Variants in SPATS2L observed in about 807,000 individuals in gnomAD.
SPATS2L encodes the protein SPATS2-like protein.
A neutral mutation model predicts 59.6 loss-of-function variants in SPATS2L; 30 were observed. That is an observed-to-expected ratio of 0.50 (90% CI 0.38 to 0.68). SPATS2L has a LOEUF of 0.68. Ranked by LOEUF, SPATS2L falls within the 30% of genes least tolerant of loss-of-function variation. SPATS2L has a pLI of 0.00. For missense variants in SPATS2L, 615 were observed against 700.0 expected (o/e 0.88, Z 1.37); for synonymous variants, 252 against 263.5 (o/e 0.96, Z 0.42).
intron 8 of SPATS2L, among the ~76,000 whole-genome samples, chr2:200,447,904 C>A (rs2085155903): frequency 1.3e-5 from 2 of 152,132 alleles, no homozygotes; most frequent in South Asian, 4.1e-4. Context: ...TTTGTTAATT[C>A]CTTAGATTAA....
chr2:200,349,630 T>G (rs531581243), intron 2 of SPATS2L, among the ~76,000 whole-genome samples: 1 of 152,272 alleles, frequency 6.6e-6, no homozygotes, highest in African/African-American at 2.4e-5. Flanking sequence ...AGAGCAAGAC[T>G]TCGTCTCAGA....
rs199674730 is a variant in SPATS2L at position 200,352,516 on chromosome 2, C to CT, written c.-23+23045dup. 6.6e-4 allele frequency among the ~76,000 whole-genome samples: 99 copies of CT among 150,660 alleles called. 1 individual carries two copies. The highest frequency in any genetic ancestry group is 2.2e-3 in the African/African-American group (91 of 40,870). On this transcript the variant is annotated intron_variant, in intron 2 of 12. Coordinates refer to ENST00000409140, the MANE Select transcript of SPATS2L (RefSeq NM_001100423.2). ...CTCTTGTGAATCTGCTAACCTGCTG[C>CT]TTTTTTTTTCCTTTTTTAACCCTTA...
At chr2:200,309,662 A>G (rs1470774587) in intron 1 of SPATS2L, among the ~76,000 whole-genome samples, 1 of 152,260 alleles carries the variant, frequency 6.6e-6, no homozygotes, top group East Asian at 1.9e-4. Flanking sequence ...AATCCATTTC[A>G]TCACTGTTTT....
At chr2:200,348,942 T>G (rs1206437298) in intron 2 of SPATS2L, among the ~76,000 whole-genome samples, 2 of 152,210 alleles carry the variant, frequency 1.3e-5, no homozygotes, top group Non-Finnish European at 2.9e-5. Flanking sequence ...GCTCTATTCC[T>G]TTCTGACTAT....
intron 2 of SPATS2L, among the ~76,000 whole-genome samples, chr2:200,335,347 T>C (rs1054591839): frequency 1.3e-5 from 2 of 150,012 alleles, no homozygotes; most frequent in African/African-American, 4.9e-5. Flanking sequence ...CACTACACTC[T>C]GGCCTGGGCG....
intron 2 of SPATS2L, among the ~76,000 whole-genome samples, chr2:200,376,301 A>G (rs1179280904): frequency 6.6e-6 from 1 of 152,238 alleles, no homozygotes; most frequent in Non-Finnish European, 1.5e-5. Flanking sequence ...ACAGCTGGAA[A>G]TGGAAAGTTC....
intron 8 of SPATS2L, among the ~76,000 whole-genome samples, chr2:200,444,092 A>G (rs560020461): frequency 6.6e-6 from 1 of 152,368 alleles, no homozygotes; most frequent in South Asian, 2.1e-4. Flanking sequence ...ATTTTGCGAC[A>G]TGAGCATCTG....
chr2:200,472,878 C>G lies in SPATS2L; in HGVS notation c.1107C>G (p.Ser369=). The change falls in exon 12 of 13, where the codon TCC becomes TCG. Residue 369 remains serine (S), a synonymous_variant. Coordinates refer to ENST00000409140, the MANE Select transcript of SPATS2L (RefSeq NM_001100423.2). Reference sequence around the variant, plus strand: ...ATTCCTCAAGAACTCCCTGCAGCTCCCTGCTGCCTCTGCTGAATGCGCACG... The same window carrying G: ...ATTCCTCAAGAACTCCCTGCAGCTCGCTGCTGCCTCTGCTGAATGCGCACG... ...NNYSSRTPCS[S]LLPLLNAHAA... is the part of the protein sequence containing the mutation. 6.2e-7 allele frequency: 1 copy of G among 1,613,942 alleles called. No individual in the cohort carries two copies. Among genetic ancestry groups the G allele is most frequent in the Non-Finnish European group, 8.5e-7 (1 of 1,179,884 alleles).
At chr2:200,355,238 G>T (rs1350075542) in intron 2 of SPATS2L, among the ~76,000 whole-genome samples, 1 of 152,176 alleles carries the variant, frequency 6.6e-6, no homozygotes, top group Non-Finnish European at 1.5e-5. Flanking sequence ...CGTGGTTTCT[G>T]GAATGGAAGG....
At chr2:200,360,461 C>T (rs1417688648) in intron 2 of SPATS2L, among the ~76,000 whole-genome samples, 2 of 152,222 alleles carry the variant, frequency 1.3e-5, no homozygotes, top group South Asian at 4.1e-4. Flanking sequence ...CCTCTGTCCT[C>T]CCCAACCAGG....
At chr2:200,474,464 G>A (rs1407116535) in intron 12 of SPATS2L, among the ~76,000 whole-genome samples, 1 of 151,728 alleles carries the variant, frequency 6.6e-6, no homozygotes, top group African/African-American at 2.4e-5. Flanking sequence ...GTGCCACCAC[G>A]CCTGACTAAA....
rs201141345 is a variant in SPATS2L, at chr2:200,419,366, C to T, written c.315C>T (p.Asn105=). 2.8e-4 allele frequency: 459 copies of T among 1,612,576 alleles called. 5 individuals are homozygous for T. The East Asian group carries it at 7.3e-3, about 26-fold the overall frequency. Residue 105 remains asparagine (N), a synonymous_variant, in exon 6 of 13, where the codon AAC becomes AAT. Transcript: ENST00000409140. ...AGCCGCAGCCACCACAGATTCAAAA[C>T]GGCCCCATGAATGGCTGCGAGAAGG... ...PLQPQPPQIQ[N]GPMNGCEKDS...
intron 2 of SPATS2L, among the ~76,000 whole-genome samples, chr2:200,335,064 C>T (rs2080095269): frequency 6.6e-6 from 1 of 152,052 alleles, no homozygotes. Context: ...TCATTGGTAG[C>T]TTGATGGGGA....
intron 6 of SPATS2L, among the ~76,000 whole-genome samples, chr2:200,425,063 C>G (rs945211920): frequency 6.6e-6 from 1 of 151,052 alleles, no homozygotes; most frequent in Non-Finnish European, 1.5e-5. Flanking sequence ...GCTTTCTCAT[C>G]CTCAAGTGAA....
Position 200,469,941 on chromosome 2 carries a change from G to A in SPATS2L, c.985G>A (p.Glu329Lys). 3.1e-6 allele frequency: 5 copies of A among 1,611,658 alleles called. No homozygotes were observed. The highest frequency in any genetic ancestry group is 2.5e-6 in the Non-Finnish European group (3 of 1,178,942). The change falls in exon 11 of 13, where the codon GAG becomes AAG. Residue 329 changes from glutamate to lysine, a missense_variant. Coordinates refer to ENST00000409140, the MANE Select transcript of SPATS2L (RefSeq NM_001100423.2). ...CTTTGTCAGCGAGCGTAAATATGACGAGGAGCTCGGGAAAGCTGCCCGGTT... is the reference window on the plus strand; with the variant it reads ...CTTTGTCAGCGAGCGTAAATATGACAAGGAGCTCGGGAAAGCTGCCCGGTT... ...KHFVSERKYD[E>K]ELGKAARFSC...
chr2:200,447,988 T>A (rs2085164325), intron 8 of SPATS2L, among the ~76,000 whole-genome samples: 1 of 152,144 alleles, frequency 6.6e-6, no homozygotes, highest in Admixed American at 6.5e-5. Context: ...CTACAAAAAA[T>A]TTTAAAATTA....
chr2:200,440,933 C>A (rs1354709460), intron 8 of SPATS2L, 149 bp downstream of exon 8: 18 of 692,652 alleles, frequency 2.6e-5, no homozygotes, highest in Non-Finnish European at 3.9e-5. Flanking sequence ...CAGGCAGTAG[C>A]ATGTATCTTG....
At chr2:200,333,634 T>C (rs1398613312) in intron 2 of SPATS2L, among the ~76,000 whole-genome samples, 1 of 152,116 alleles carries the variant, frequency 6.6e-6, no homozygotes, top group East Asian at 1.9e-4. Context: ...GTATATCTCC[T>C]AATGCTATCC....
intron 2 of SPATS2L, among the ~76,000 whole-genome samples, chr2:200,386,333 C>CA (rs1211625524): frequency 1.3e-5 from 2 of 151,882 alleles, no homozygotes; most frequent in South Asian, 2.1e-4. Flanking sequence ...TTTTCTTCCA[C>CA]AAAAAAATAA....
Sources: gnomAD v4.1 joint callset for allele counts (sites outside exome capture counted in the v4.1 genomes callset) on GRCh38, gnomAD v4.1.1 for gene constraint, MANE v1.5 for transcripts, NCBI Gene and HGNC (gene_info 2026-07-23, HGNC 2026-07-21) for gene names.